SLC35F1: variants seen among roughly 807,000 people sequenced by gnomAD.
SLC35F1 encodes chromosome 6 open reading frame 169.
In SLC35F1, 14 loss-of-function variants were observed where a neutral mutation model predicts 48.7. That is an observed-to-expected ratio of 0.29 (90% CI 0.19 to 0.45). The LOEUF is 0.45. SLC35F1 is among the 20% of genes least tolerant of loss of function. The pLI is 1.00. For synonymous variants in SLC35F1, 190 were observed against 202.2 expected, an observed-to-expected ratio of 0.94 and a Z score of 0.51; for missense variants, 404 against 500.0, an observed-to-expected ratio of 0.81 and a Z score of 1.83.
At chr6:118,299,882 G>A (rs558728485) in intron 7 of SLC35F1, among the ~76,000 whole-genome samples, 1 of 152,222 alleles carries the variant, frequency 6.6e-6, no homozygotes, top group South Asian at 2.1e-4. Flanking sequence ...ACACAGCCTC[G>A]TGCAAAAGTT....
At chr6:117,986,537 T>C (rs1353101483) in intron 1 of SLC35F1, among the ~76,000 whole-genome samples, 2 of 152,228 alleles carry the variant, frequency 1.3e-5, no homozygotes, top group African/African-American at 4.8e-5. Context: ...TGTTTGAAAC[T>C]GAATGTTTGT....
intron 1 of SLC35F1, among the ~76,000 whole-genome samples, chr6:118,042,787 T>G (rs1772244745): frequency 6.6e-6 from 1 of 152,132 alleles, no homozygotes; most frequent in Non-Finnish European, 1.5e-5. Context: ...AAGAGACAAT[T>G]CTGCCTTAGA....
At chr6:118,162,903 C>G (rs573088681) in intron 2 of SLC35F1, among the ~76,000 whole-genome samples, 1 of 152,090 alleles carries the variant, frequency 6.6e-6, no homozygotes, top group East Asian at 1.9e-4. Context: ...CTTAACGAAA[C>G]TTATAGTATC....
intron 1 of SLC35F1, among the ~76,000 whole-genome samples, chr6:117,996,648 A>C (rs1274409545): frequency 1.3e-5 from 2 of 152,220 alleles, no homozygotes; most frequent in Admixed American, 6.5e-5. Context: ...CTGCAGCCAC[A>C]GCTGCTGATA....
At chr6:118,225,596 T>G (rs1431483211) in intron 2 of SLC35F1, among the ~76,000 whole-genome samples, 1 of 152,210 alleles carries the variant, frequency 6.6e-6, no homozygotes, top group Non-Finnish European at 1.5e-5. Context: ...GATTTTTTCG[T>G]GTAAGACCTC....
chr6:118,292,134 AT>A (rs1202647715), intron 7 of SLC35F1, among the ~76,000 whole-genome samples: 1 of 151,934 alleles, frequency 6.6e-6, no homozygotes, highest in African/African-American at 2.4e-5. Flanking sequence ...TAAATAATAA[AT>A]AAATAAATAA....
intron 1 of SLC35F1, among the ~76,000 whole-genome samples, chr6:117,992,855 C>T (rs1198940177): frequency 6.6e-6 from 1 of 152,228 alleles, no homozygotes; most frequent in Non-Finnish European, 1.5e-5. Flanking sequence ...ATTAGCTTCA[C>T]CCCTCTACAA....
chr6:118,209,212 C>A (rs1288364288), intron 2 of SLC35F1, among the ~76,000 whole-genome samples: 2 of 152,206 alleles, frequency 1.3e-5, no homozygotes, highest in Non-Finnish European at 2.9e-5. Flanking sequence ...ACAGTTTTCC[C>A]TGAGTCTTTG....
At chr6:118,306,722 A>G (rs1393283477) in intron 7 of SLC35F1, among the ~76,000 whole-genome samples, 5 of 152,202 alleles carry the variant, frequency 3.3e-5, no homozygotes. Context: ...TGGCTTGGCT[A>G]TTACGGCCTC....
chr6:118,201,463 C>A (rs1205138244), intron 2 of SLC35F1, among the ~76,000 whole-genome samples: 1 of 152,128 alleles, frequency 6.6e-6, no homozygotes, highest in Non-Finnish European at 1.5e-5. Flanking sequence ...TAGATTGTTC[C>A]TTAAGGTAGA....
In SLC35F1 at chr6:118,315,332, A is replaced by T. The variant is rs1368706324; in HGVS notation, c.*1080A>T. The T allele has an allele frequency of 1.3e-5, 2 of 151,366 alleles. No individual in the cohort carries two copies. The highest frequency in any genetic ancestry group is 4.9e-5 in the African/African-American group (2 of 41,010). The allele number at this position is 151,366 out of a possible 1,614,324, so 9.4% of individuals were successfully genotyped here. A position where few individuals can be genotyped will look rare whatever the true frequency, so the allele number is the denominator to read the frequency against. On this transcript the variant is annotated 3_prime_UTR_variant, in exon 8 of 8. Transcript: ENST00000360388. ...GCAGTCTTTGAAAATGGCTTAATTG[A>T]TTTGGCCACTTTGCAGTGGTAACAA...
chr6:117,986,917 T>C (rs934506491), intron 1 of SLC35F1, among the ~76,000 whole-genome samples: 1 of 152,084 alleles, frequency 6.6e-6, no homozygotes, highest in African/African-American at 2.4e-5. Context: ...ATCAGGTGGG[T>C]GCTCATGATA....
At chr6:118,132,939 C>T (rs1036490725) in intron 1 of SLC35F1, among the ~76,000 whole-genome samples, 18 of 152,132 alleles carry the variant, frequency 1.2e-4, no homozygotes, top group African/African-American at 4.3e-4. Flanking sequence ...CACAGGAGCC[C>T]ATGCTGCTTC....
chr6:118,194,702 T>G (rs1414319541), intron 2 of SLC35F1, among the ~76,000 whole-genome samples: 4 of 152,184 alleles, frequency 2.6e-5, no homozygotes, highest in Non-Finnish European at 5.9e-5. Context: ...ACAGAGGAGA[T>G]AAACAGTGGT....
In SLC35F1 at chr6:117,991,677, C is replaced by T. The variant is rs113700795; in HGVS notation, c.173+83778C>T. ...TCCATTTCTGATTTTTATTTTTGTT[C>T]GTCACTTGGATCTGTTTTGTATGCC... On this transcript the variant is annotated intron_variant, in intron 1 of 7. Transcript: ENST00000360388. 4.2e-3 allele frequency among the ~76,000 whole-genome samples: 636 copies of T among 152,158 alleles called. 4 individuals carry two copies. The highest frequency in any genetic ancestry group is 0.014 in the African/African-American group (595 of 41,534).
intron 1 of SLC35F1, among the ~76,000 whole-genome samples, chr6:117,926,196 C>CGCCATGCTG (rs1776025178): frequency 6.6e-6 from 1 of 152,036 alleles, no homozygotes; most frequent in Non-Finnish European, 1.5e-5. Context: ...GGGTGGTTTC[C>CGCCATGCTG]GCCATGCTGT....
chr6:118,015,391 C>T (rs528291881), intron 1 of SLC35F1, among the ~76,000 whole-genome samples: 1 of 151,952 alleles, frequency 6.6e-6, no homozygotes, highest in East Asian at 1.9e-4. Context: ...TTTTGTCACC[C>T]AGGTAATAAG....
chr6:118,194,742 G>T (rs1293471839), intron 2 of SLC35F1, among the ~76,000 whole-genome samples: 1 of 152,118 alleles, frequency 6.6e-6, no homozygotes, highest in South Asian at 2.1e-4. Context: ...GGTTTGCACA[G>T]AGAGAGAGGG....
intron 2 of SLC35F1, among the ~76,000 whole-genome samples, chr6:118,230,132 G>A (rs1203336751): frequency 2.0e-5 from 3 of 152,202 alleles, no homozygotes; most frequent in East Asian, 3.9e-4. Context: ...ACAAGGTCAG[G>A]AGATCAAGAC....
Sources: gnomAD v4.1 joint callset for allele counts (sites outside exome capture counted in the v4.1 genomes callset) on GRCh38, gnomAD v4.1.1 for gene constraint, MANE v1.5 for transcripts, NCBI Gene and HGNC (gene_info 2026-07-23, HGNC 2026-07-21) for gene names.